Variants in PREPL observed in about 807,000 individuals in gnomAD.
The protein encoded by PREPL is prolyl endopeptidase-like.
PREPL carries 77 observed loss-of-function variants against 70.6 expected under a neutral mutation model. The observed-to-expected ratio is 1.09, with a 90% CI of 0.91 to 1.32. The LOEUF is 1.32. Ranked by LOEUF, PREPL falls within the 40% of genes most tolerant of loss-of-function variation. The pLI, the probability that PREPL is intolerant of heterozygous loss-of-function variation, is 0.00. For missense variants in PREPL, 1,002 were observed against 778.2 expected (o/e 1.29, Z -3.42); for synonymous variants, 315 against 264.8 (o/e 1.19, Z -1.84).
At chr2:44,325,727 TATTTAAC>T (rs1026970594) in intron 10 of PREPL, among the ~76,000 whole-genome samples, 6 of 152,160 alleles carry the variant, frequency 3.9e-5, no homozygotes, top group Admixed American at 6.5e-5. Context: ...AGGTGACTAC[TATTTAAC>T]ACTTATTTAC....
intron 5 of PREPL, among the ~76,000 whole-genome samples, chr2:44,340,050 A>T (rs747069869): frequency 2.4e-4 from 37 of 152,056 alleles, no homozygotes; most frequent in Non-Finnish European, 4.4e-4. Context: ...TTATAGATAC[A>T]ATTTTTGATT....
rs375262844 is a variant in PREPL, at chr2:44,338,411, G to A, written c.828C>T (p.His276=). The A allele has an allele frequency of 8.1e-6, 13 of 1,613,520 alleles. No homozygotes were observed. The African/African-American group carries it at 1.3e-4, about 17-fold the overall frequency. The part of the protein sequence containing the change: ...FKDHCVLFLK[H]SNLLYVNVIG... ...TCACATTAACATAAAGGAGATTGCT[G>A]TGCTTCAGAAATAGAACACAGTGAT... Residue 276 remains histidine, a synonymous_variant, in exon 7 of 14, where the codon CAC becomes CAT. Coordinates refer to ENST00000409411, the MANE Select transcript of PREPL (RefSeq NM_001171613.2).
At position 44,332,467 on chromosome 2, in the gene PREPL, T is replaced by A; in HGVS notation, c.1078A>T (p.Lys360Ter). 6.2e-7 allele frequency: 1 copy of A among 1,613,336 alleles called. No homozygotes were observed. Among genetic ancestry groups the A allele is most frequent in the Non-Finnish European group, 8.5e-7 (1 of 1,179,284 alleles). The change falls in exon 8 of 14, where the codon AAA becomes TAA. Residue 360 changes from lysine (K) to a stop codon, truncating the protein, a stop_gained. Transcript: ENST00000409411. LOFTEE classifies it high-confidence loss of function. ...AAGATTATAAGACCTACCTTGCTTT[T>A]GGCTTCTAGACGTAAAACGCGACTA... ...KTSRVLRLEA[K>*]SKDGKLVPMT...
At chr2:44,321,477 A>C (rs769511670) in intron 13 of PREPL, 32 bp from the exon 14 acceptor site, 1 of 1,596,870 alleles carries the variant, frequency 6.3e-7, no homozygotes, top group South Asian at 1.1e-5. Context: ...AATTAAATAG[A>C]AGGCCTTTGT....
intron 10 of PREPL, among the ~76,000 whole-genome samples, chr2:44,325,558 T>C (rs573035137): frequency 3.0e-4 from 45 of 152,354 alleles, no homozygotes; most frequent in African/African-American, 1.1e-3. Flanking sequence ...GTCTTCACTA[T>C]AATAAGCAAC....
chr2:44,343,895 G>C lies in PREPL; in HGVS notation c.199C>G (p.Pro67Ala), dbSNP rs1399116738. Residue 67 changes from proline (P) to alanine (A), a missense_variant, in exon 4 of 14, where the codon CCC becomes GCC. Physicochemically the swap from Pro to Ala is conservative, Grantham distance 27. Transcript: ENST00000409411. The part of the protein sequence containing the change: ...FNLEELKLDQ[P>A]FIDCIRVAPD... ...GCAACTCTGATACAATCAATGAAGG[G>C]CTGGTCTAACTTAAGTTCCTCCAAA... 1 of 1,614,030 alleles carries C rather than the reference G, an allele frequency of 6.2e-7. No homozygotes were observed. Among genetic ancestry groups the C allele is most frequent in the East Asian group, 2.2e-5 (1 of 44,876 alleles).
At chr2:44,346,502 T>G (rs549792458) in intron 1 of PREPL, 112 bp from the exon 2 acceptor site, 1 of 927,692 alleles carries the variant, frequency 1.1e-6, no homozygotes, top group Non-Finnish European at 1.6e-6. Flanking sequence ...AAAAAAGAAA[T>G]AAGATTAAAT....
chr2:44,355,557 G>C (rs529153094), intron 1 of PREPL, among the ~76,000 whole-genome samples: 1 of 151,778 alleles, frequency 6.6e-6, no homozygotes, highest in Admixed American at 6.6e-5. Flanking sequence ...TCAAAAAAAA[G>C]CAATCACCCT....
At chr2:44,356,069 G>C (rs533041940) in intron 1 of PREPL, among the ~76,000 whole-genome samples, 4 of 152,222 alleles carry the variant, frequency 2.6e-5, no homozygotes, top group African/African-American at 7.2e-5. Flanking sequence ...AGTTCATCTT[G>C]CCATCTGGCT....
intron 8 of PREPL, among the ~76,000 whole-genome samples, chr2:44,332,113 A>G (rs1328674580): frequency 1.3e-5 from 2 of 151,802 alleles, no homozygotes; most frequent in Non-Finnish European, 2.9e-5. Context: ...TGCCCAGCTA[A>G]TTTTGTGTAT....
At chr2:44,323,135 A>G in intron 11 of PREPL, 127 bp downstream of exon 11, 1 of 947,856 alleles carries the variant, frequency 1.1e-6, no homozygotes, top group South Asian at 1.8e-5. Context: ...GATGGTGCTG[A>G]AGATATTTGG....
chr2:44,318,766 G>T lies in PREPL; in HGVS notation c.*2590C>A, dbSNP rs928925484. ...ATAAAAAATAAAATTACAAAAATCA[G>T]GCTTGGAAGTATTTAATAGCAGACA... On this transcript the variant is annotated 3_prime_UTR_variant, in exon 14 of 14. Coordinates refer to ENST00000409411, the MANE Select transcript of PREPL (RefSeq NM_001171613.2). 2.6e-5 allele frequency: 4 copies of T among 152,130 alleles called. No individual in the cohort carries two copies. The highest frequency in any genetic ancestry group is 9.7e-5 in the African/African-American group (4 of 41,442). 9.4% of individuals were successfully genotyped at this position (152,130 alleles called of 1,614,324 possible). A position where few individuals can be genotyped will look rare whatever the true frequency, so the allele number is the denominator to read the frequency against.
intron 7 of PREPL, among the ~76,000 whole-genome samples, chr2:44,335,044 C>G (rs1200017443): frequency 6.6e-6 from 1 of 152,136 alleles, no homozygotes; most frequent in Non-Finnish European, 1.5e-5. Flanking sequence ...CTATAAAATT[C>G]TCTTTATTAT....
intron 5 of PREPL, 33 bp downstream of exon 5, chr2:44,342,384 G>A (rs374358578): frequency 6.4e-7 from 1 of 1,557,932 alleles, no homozygotes; most frequent in East Asian, 2.3e-5. Flanking sequence ...GGAAGGTTCT[G>A]GAGAGAAAGA....
intron 1 of PREPL, among the ~76,000 whole-genome samples, chr2:44,353,413 T>C (rs698771): frequency 0.66 from 100,016 of 151,382 alleles, 33,557 homozygotes; most frequent in African/African-American, 0.7. Flanking sequence ...GGTGAAACCC[T>C]GTCTCTACTA....
rs778744293 is a variant in PREPL, at chr2:44,342,477, T to C, written c.425A>G (p.Tyr142Cys). The C allele has an allele frequency of 1.4e-5, 22 of 1,613,212 alleles. No individual in the cohort carries two copies. Among genetic ancestry groups the C allele is most frequent in the Non-Finnish European group, 1.8e-5 (21 of 1,179,516 alleles). The change falls in exon 5 of 14, where the codon TAT becomes TGT. Residue 142 changes from tyrosine (Y) to cysteine (C), a missense_variant. Coordinates refer to ENST00000409411, the MANE Select transcript of PREPL (RefSeq NM_001171613.2). ...FQRNLRCHDV[Y>C]RATFGDNKRN... ...TTTGTTATCACCAAAAGTGGCTCGA[T>C]ATACGTCATGACAGCGAAGGTTCCT... is the stretch of plus-strand genomic sequence containing the variant.
At chr2:44,330,802 G>A (rs529825422) in intron 8 of PREPL, among the ~76,000 whole-genome samples, 2 of 152,102 alleles carry the variant, frequency 1.3e-5, no homozygotes, top group Non-Finnish European at 2.9e-5. Context: ...TTCCCTACTT[G>A]CATAAATTTG....
Position 44,320,555 on chromosome 2 carries a change from C to A in PREPL, c.*801G>T, listed in dbSNP as rs563709928. ...ACAACACGAAGAATCTCCTTCATCG[C>A]CAAACAGCTTTCAGAGATAGATGCT... On this transcript the variant is annotated 3_prime_UTR_variant, in exon 14 of 14. Coordinates refer to ENST00000409411, the MANE Select transcript of PREPL (RefSeq NM_001171613.2). The A allele has an allele frequency of 4.3e-6, 7 of 1,614,060 alleles. No individual in the cohort carries two copies. The African/African-American group carries it at 5.3e-5, about 12-fold the overall frequency.
Position 44,346,281 on chromosome 2 carries a change from AT to A in PREPL, c.61del (p.Ile21SerfsTer44). On this transcript the variant is annotated frameshift_variant, in exon 2 of 14. Transcript: ENST00000409411. LOFTEE classifies it high-confidence loss of function. ...LETQPQEEYE[I>X]INVEVKHGGF... ...GAGATATCTTACTTCCACATTGATGATTTCATATTCTTCTTGTGGCTGTGTT... is the reference window on the plus strand; with the variant it reads ...GAGATATCTTACTTCCACATTGATGATTCATATTCTTCTTGTGGCTGTGTT... 6.2e-7 allele frequency: 1 copy of A among 1,611,164 alleles called. No individual in the cohort carries two copies. The highest frequency in any genetic ancestry group is 8.5e-7 in the Non-Finnish European group (1 of 1,178,954).
Sources: gnomAD v4.1 joint callset for allele counts (sites outside exome capture counted in the v4.1 genomes callset) on GRCh38, gnomAD v4.1.1 for gene constraint, MANE v1.5 for transcripts, NCBI Gene and HGNC (gene_info 2026-07-23, HGNC 2026-07-21) for gene names.